Variants in NPC1 observed in about 807,000 individuals in gnomAD.
NPC1 encodes NPC intracellular cholesterol transporter 1, also known as Niemann-Pick C1 protein.
NPC1 carries 85 observed loss-of-function variants against 140.4 expected under a neutral mutation model. The observed-to-expected ratio is 0.61, with a 90% CI of 0.51 to 0.72. The LOEUF is 0.72. Ranked by LOEUF, NPC1 falls within the 30% of genes least tolerant of loss-of-function variation. The pLI, the probability that NPC1 is intolerant of heterozygous loss-of-function variation, is 0.00. For missense variants in NPC1, 1,504 were observed against 1,623.8 expected, an observed-to-expected ratio of 0.93 and a Z score of 1.27; for synonymous variants, 656 against 624.8, an observed-to-expected ratio of 1.05 and a Z score of -0.74.
At chr18:23,532,748 C>T (rs752334417) in intron 24 of NPC1, 4 of 204,056 alleles carry the variant, frequency 2.0e-5, no homozygotes, top group African/African-American at 2.6e-5. Context: ...TGTAATAGAA[C>T]TACTTTCTAT....
intron 11 of NPC1, among the ~76,000 whole-genome samples, chr18:23,545,979 T>A (rs1311707014): frequency 5.3e-5 from 8 of 152,158 alleles, no homozygotes; most frequent in African/African-American, 1.9e-4. Flanking sequence ...CTGGGCTCAA[T>A]GGCTTATGCC....
downstream of NPC1, among the ~76,000 whole-genome samples, chr18:23,525,900 G>A (rs1234638964): frequency 1.3e-5 from 2 of 152,190 alleles, no homozygotes; most frequent in Non-Finnish European, 2.9e-5. Flanking sequence ...TGATGCTGTA[G>A]GCATCCACTG....
rs181306845 is a variant in NPC1 at position 23,556,985 on chromosome 18, G to C, written c.955+132C>G. Reference sequence around the variant, plus strand: ...GGCCACAAAGGCAAGGACCATGTCTGCCTTGGTCGCAGCCGTGTCCTCGGC... The same window carrying C: ...GGCCACAAAGGCAAGGACCATGTCTCCCTTGGTCGCAGCCGTGTCCTCGGC... On this transcript the variant is annotated intron_variant, in intron 7 of 24. Coordinates refer to ENST00000269228, the MANE Select transcript of NPC1 (RefSeq NM_000271.5). The C allele has an allele frequency of 4.9e-3, 3,877 of 786,770 alleles. 14 individuals are homozygous for C. Among genetic ancestry groups the C allele is most frequent in the Non-Finnish European group, 6.9e-3 (3,183 of 458,022 alleles). The allele number at this position is 786,770 out of a possible 1,614,324, so 48.7% of individuals were successfully genotyped here.
At chr18:23,547,478 C>T (rs931505489) in intron 11 of NPC1, among the ~76,000 whole-genome samples, 1 of 152,194 alleles carries the variant, frequency 6.6e-6, no homozygotes, top group African/African-American at 2.4e-5. Context: ...CAGTGGCTCA[C>T]ACCTGTAATC....
chr18:23,575,565 T>C (rs985244653), intron 1 of NPC1, among the ~76,000 whole-genome samples: 3 of 151,948 alleles, frequency 2.0e-5, no homozygotes, highest in Non-Finnish European at 4.4e-5. Flanking sequence ...TCTGTACATA[T>C]ATAGTAAGTA....
downstream of NPC1, among the ~76,000 whole-genome samples, chr18:23,517,941 C>T (rs538845235): frequency 1.3e-5 from 2 of 152,288 alleles, no homozygotes; most frequent in South Asian, 2.1e-4. Context: ...TGGTCTTGAA[C>T]TCCTGGGCTC....
chr18:23,551,483 AAGG>A, intron 10 of NPC1, 141 bp downstream of exon 10: 1 of 774,660 alleles, frequency 1.3e-6, no homozygotes, highest in South Asian at 1.4e-5. Context: ...CCCAAAGCCA[AAGG>A]AGATACTATT....
downstream of NPC1, chr18:23,518,992 C>CT: frequency 6.2e-7 from 1 of 1,613,746 alleles, no homozygotes; most frequent in Non-Finnish European, 8.5e-7. Flanking sequence ...AGATTTCATG[C>CT]TTTGTTTTCC....
Position 23,531,935 on chromosome 18 carries a change from A to T in NPC1, c.*267T>A. On this transcript the variant is annotated 3_prime_UTR_variant, in exon 25 of 25. Transcript: ENST00000269228. ...ATCACATTCACAGCCATCTAGTGTCACCTCCTGCTTGCCAAAGAATGAGGT... is the reference window on the plus strand; with the variant it reads ...ATCACATTCACAGCCATCTAGTGTCTCCTCCTGCTTGCCAAAGAATGAGGT... 1 of 1,443,584 alleles carries T rather than the reference A, an allele frequency of 6.9e-7. No homozygotes were observed. The highest frequency in any genetic ancestry group is 9.0e-7 in the Non-Finnish European group (1 of 1,106,278). 89.4% of individuals were successfully genotyped at this position (1,443,584 alleles called of 1,614,324 possible). A position where few individuals can be genotyped will look rare whatever the true frequency, so the allele number is the denominator to read the frequency against.
chr18:23,527,990 A>G (rs2058357333), downstream of NPC1: 4 of 1,085,154 alleles, frequency 3.7e-6, no homozygotes, highest in Admixed American at 5.5e-5. Context: ...ATTGTTTCCT[A>G]TATATTAGAA....
intron 6 of NPC1, among the ~76,000 whole-genome samples, chr18:23,559,634 G>GC (rs1482086091): frequency 2.0e-5 from 3 of 151,298 alleles, no homozygotes; most frequent in Non-Finnish European, 4.4e-5. Context: ...ACTGAGCCTG[G>GC]CCTTGACTCT....
At chr18:23,536,923 T>C (rs1168090997) in intron 20 of NPC1, 47 bp from the exon 21 acceptor site, 2 of 1,515,432 alleles carry the variant, frequency 1.3e-6, no homozygotes, top group African/African-American at 1.4e-5. Flanking sequence ...TCTTGCAAAA[T>C]ATCAGCAGAA....
chr18:23,572,508 G>A (rs941949441), intron 2 of NPC1, among the ~76,000 whole-genome samples: 6 of 152,058 alleles, frequency 3.9e-5, no homozygotes, highest in African/African-American at 1.4e-4. Flanking sequence ...GTAATTCCAG[G>A]GAAAGTTGAA....
chr18:23,550,165 C>T (rs909811008), intron 10 of NPC1, among the ~76,000 whole-genome samples: 1 of 152,042 alleles, frequency 6.6e-6, no homozygotes, highest in African/African-American at 2.4e-5. Context: ...GCATGCACCA[C>T]CATGCCCAGC....
At chr18:23,516,566 A>G in intron 3 of NPC1, 1 of 777,746 alleles carries the variant, frequency 1.3e-6, no homozygotes, top group South Asian at 1.7e-5. Context: ...TATTCAGTGT[A>G]TAGGTCCTGT....
chr18:23,572,320 T>A, intron 2 of NPC1, 140 bp from the exon 3 acceptor site: 4 of 666,324 alleles, frequency 6.0e-6, no homozygotes. Context: ...TTTGCAAAGT[T>A]ATTATAGAAT....
At chr18:23,512,158 C>G (rs1273938243) in intron 3 of NPC1, among the ~76,000 whole-genome samples, 4 of 151,366 alleles carry the variant, frequency 2.6e-5, no homozygotes, top group Non-Finnish European at 5.9e-5. Context: ...GTAGCTGGGT[C>G]TACAGGCGCC....
intron 1 of NPC1, among the ~76,000 whole-genome samples, chr18:23,583,305 G>T (rs528706609): frequency 6.6e-6 from 1 of 152,170 alleles, no homozygotes; most frequent in South Asian, 2.1e-4. Flanking sequence ...GAGGATAACT[G>T]GCTTACCCAA....
Position 23,536,767 on chromosome 18 carries a change from A to G in NPC1, c.3151T>C (p.Phe1051Leu). The change falls in exon 21 of 25, where the codon TTT (phenylalanine) becomes CTT (leucine). Residue 1051 changes from phenylalanine (F) to leucine (L), a missense_variant. Transcript: ENST00000269228. Reference sequence around the variant, plus strand: ...CGGGCTTTCTTCAGAGCGTCAATAAAGTCAGCAGAGGTCTGCAGCACGGTG... The same window carrying G: ...CGGGCTTTCTTCAGAGCGTCAATAAGGTCAGCAGAGGTCTGCAGCACGGTG... ...YHTVLQTSADFIDALKKARLI... is the reference protein window; with the variant it reads ...YHTVLQTSADLIDALKKARLI... 6.2e-7 allele frequency: 1 copy of G among 1,614,212 alleles called. No individual in the cohort carries two copies. Among genetic ancestry groups the G allele is most frequent in the Non-Finnish European group, 8.5e-7 (1 of 1,180,038 alleles).
Sources: allele counts gnomAD v4.1 joint callset (sites outside exome capture counted in the v4.1 genomes callset), GRCh38; gene constraint gnomAD v4.1.1; transcripts MANE v1.5; gene names NCBI Gene and HGNC (gene_info 2026-07-23, HGNC 2026-07-21).